The following PAK1 variants were observed in gnomAD, a reference collection of about 807,000 sequenced individuals.
PAK1 encodes the protein p21 (RAC1) activated kinase 1.
A neutral mutation model predicts 67.4 loss-of-function variants in PAK1; 29 were observed. The ratio of observed to expected loss-of-function variants is 0.43; its 90% confidence interval spans 0.32 to 0.59. PAK1 has a LOEUF of 0.59. PAK1 is among the 20% of genes least tolerant of loss of function. PAK1 has a pLI of 0.07. For synonymous variants in PAK1, 223 were observed against 237.4 expected (o/e 0.94, Z 0.56); for missense variants, 337 against 670.7 (o/e 0.50, Z 5.50).
intron 2 of PAK1, among the ~76,000 whole-genome samples, chr11:77,381,256 G>C (rs1331732002): frequency 2.0e-5 from 3 of 152,002 alleles, no homozygotes; most frequent in African/African-American, 4.8e-5. Flanking sequence ...ATGATCTTAA[G>C]GGTCCCTCAA....
chr11:77,514,211 C>T, the PAK1 span, among the ~76,000 whole-genome samples: 1 of 152,130 alleles, frequency 6.6e-6, no homozygotes, highest in East Asian at 1.9e-4. Context: ...AAGACAGTCA[C>T]AGTCGGGCAC....
intron 1 of PAK1, among the ~76,000 whole-genome samples, chr11:77,400,251 A>T (rs1365893223): frequency 1.3e-5 from 2 of 152,210 alleles, no homozygotes; most frequent in African/African-American, 4.8e-5. Context: ...AGTGTGGCAG[A>T]ATGCAACATA....
the PAK1 span, among the ~76,000 whole-genome samples, chr11:77,490,270 T>C: frequency 1.3e-3 from 174 of 133,418 alleles, 3 homozygotes; most frequent in African/African-American, 4.9e-3. Flanking sequence ...CCGCCCCGTC[T>C]CAGAGGGAGG....
At chr11:77,380,497 A>G (rs572549475) in intron 2 of PAK1, among the ~76,000 whole-genome samples, 20 of 152,312 alleles carry the variant, frequency 1.3e-4, no homozygotes, top group Non-Finnish European at 2.2e-4. Flanking sequence ...TGTCTCAAAA[A>G]AACAAAAAAC....
chr11:77,390,256 A>G (rs1950958308), intron 2 of PAK1, among the ~76,000 whole-genome samples: 1 of 151,686 alleles, frequency 6.6e-6, no homozygotes, highest in Admixed American at 6.6e-5. Context: ...CTGGAGTGCA[A>G]TGGCGCAACC....
chr11:77,500,247 T>C, the PAK1 span, among the ~76,000 whole-genome samples: 1 of 152,080 alleles, frequency 6.6e-6, no homozygotes, highest in Non-Finnish European at 1.5e-5. Flanking sequence ...GGTGGGCGGA[T>C]CACAAGGTCA....
At chr11:77,392,685 T>C in intron 1 of PAK1, 144 bp from the exon 2 acceptor site, 1 of 511,926 alleles carries the variant, frequency 2.0e-6, no homozygotes, top group East Asian at 3.2e-5. Flanking sequence ...ACCATGATAT[T>C]GCTAACACTC....
chr11:77,517,983 G>A, the PAK1 span, among the ~76,000 whole-genome samples: 302 of 152,202 alleles, frequency 2.0e-3, 3 homozygotes, highest in South Asian at 0.011. Flanking sequence ...ATGAAGCTTC[G>A]CTCGCCTGCC....
intron 2 of PAK1, among the ~76,000 whole-genome samples, chr11:77,386,470 A>T (rs754194164): frequency 3.9e-5 from 6 of 152,228 alleles, no homozygotes; most frequent in Non-Finnish European, 7.3e-5. Flanking sequence ...TAACCACAGG[A>T]ACCAGGCTTT....
At position 77,362,774 on chromosome 11, in the gene PAK1, GTCTT is replaced by G. The variant is rs1202768972; in HGVS notation, c.478-3761_478-3758del. Among the ~76,000 whole-genome samples, 472 of 152,306 alleles carry G rather than the reference GTCTT, an allele frequency of 3.1e-3. 4 individuals carry two copies. The highest frequency in any genetic ancestry group is 0.011 in the African/African-American group (442 of 41,558). On this transcript the variant is annotated intron_variant, in intron 5 of 14. Coordinates refer to ENST00000356341, the MANE Select transcript of PAK1 (RefSeq NM_002576.5). ...CAGTATAGGATTGCTAAATGAATAT[GTCTT>G]ATCCAATAGTAGTATAAACTGGAAT...
At chr11:77,509,772 G>A in the PAK1 span, among the ~76,000 whole-genome samples, 1 of 152,116 alleles carries the variant, frequency 6.6e-6, no homozygotes, top group African/African-American at 2.4e-5. Context: ...TGCTCTCACC[G>A]TGTGAAGTGC....
chr11:77,488,711 T>C, the PAK1 span, among the ~76,000 whole-genome samples: 4 of 151,946 alleles, frequency 2.6e-5, no homozygotes, highest in Admixed American at 1.3e-4. Flanking sequence ...AAAGAATTCA[T>C]GAGCTTGAAG....
intron 1 of PAK1, among the ~76,000 whole-genome samples, chr11:77,405,674 G>GACACACACACAC (rs1555167119): frequency 7.9e-6 from 1 of 125,892 alleles, no homozygotes; most frequent in African/African-American, 2.7e-5. Context: ...CAGACAGACA[G>GACACACACACAC]ACACACACAC....
chr11:77,350,120 G>A (rs1484099750), intron 8 of PAK1, among the ~76,000 whole-genome samples: 2 of 152,044 alleles, frequency 1.3e-5, no homozygotes, highest in Non-Finnish European at 2.9e-5. Flanking sequence ...TGATATTACA[G>A]GATACACTTG....
At chr11:77,378,103 T>C (rs1163568711) in intron 4 of PAK1, among the ~76,000 whole-genome samples, 1 of 152,206 alleles carries the variant, frequency 6.6e-6, no homozygotes, top group East Asian at 1.9e-4. Context: ...GGTTCTCACC[T>C]TCCCAACAAT....
At chr11:77,527,814 T>C in the PAK1 span, among the ~76,000 whole-genome samples, 27,957 of 152,140 alleles carry the variant, frequency 0.18, 3,119 homozygotes, top group Non-Finnish European at 0.25. Context: ...TTATTAATAC[T>C]CTGCATCATT....
chr11:77,510,501 TTACAGGTGTG>T, the PAK1 span, among the ~76,000 whole-genome samples: 1 of 152,214 alleles, frequency 6.6e-6, no homozygotes. Context: ...AGTGCTGAGA[TTACAGGTGTG>T]TACAGGTGTG....
chr11:77,371,551 A>C (rs1212436749), intron 5 of PAK1, among the ~76,000 whole-genome samples: 1 of 152,192 alleles, frequency 6.6e-6, no homozygotes, highest in Non-Finnish European at 1.5e-5. Flanking sequence ...TAACTCATTC[A>C]AACGTAGGGA....
At chr11:77,463,006 G>A (rs573453669) in intron 1 of PAK1, among the ~76,000 whole-genome samples, 27 of 139,044 alleles carry the variant, frequency 1.9e-4, no homozygotes, top group African/African-American at 5.2e-4. Flanking sequence ...GGGGTGGGGG[G>A]GCTTTTAGGA....
Sources: allele counts gnomAD v4.1 joint callset (sites outside exome capture counted in the v4.1 genomes callset), GRCh38; gene constraint gnomAD v4.1.1; transcripts MANE v1.5; gene names NCBI Gene and HGNC (gene_info 2026-07-23, HGNC 2026-07-21).